PCNT: variants seen among roughly 807,000 people sequenced by gnomAD.
PCNT encodes kendrin.
Under a neutral mutation model 380.4 loss-of-function variants are expected in PCNT, and 319 were observed. The ratio of observed to expected loss-of-function variants is 0.84; its 90% CI spans 0.77 to 0.92. PCNT has a LOEUF of 0.92. Among genes scored for constraint, PCNT ranks in the 40% least tolerant of loss-of-function variants. The pLI is 0.00. For missense variants in PCNT, 4,400 were observed against 4,255.3 expected, an observed-to-expected ratio of 1.03 and a Z score of -0.95; for synonymous variants, 1,845 against 1,735.2, an observed-to-expected ratio of 1.06 and a Z score of -1.57.
intron 8 of PCNT, among the ~76,000 whole-genome samples, chr21:46,350,122 T>C (rs2084213009): frequency 6.6e-6 from 1 of 152,002 alleles, no homozygotes; most frequent in African/African-American, 2.4e-5. Flanking sequence ...GAGGTTGCAG[T>C]GAGCTGAGAT....
At position 46,416,767 on chromosome 21, in the gene PCNT, TGCA is replaced by T. The variant is rs759769803; in HGVS notation, c.6855_6857del (p.Ala2286del). 1 of 1,604,218 alleles carries T rather than the reference TGCA, an allele frequency of 6.2e-7. No homozygotes were observed. The highest frequency in any genetic ancestry group is 8.5e-7 in the Non-Finnish European group (1 of 1,177,932). ...GGCTGCTTTGTTCCCCAGGCGTGTC[TGCA>T]GCAGCGCTGGCACTGCAGTGGGCCG... On this transcript the variant is annotated inframe_deletion, in exon 30 of 47. Transcript: ENST00000359568.
chr21:46,403,626 G>A (rs1467798900), intron 27 of PCNT, among the ~76,000 whole-genome samples: 1 of 138,956 alleles, frequency 7.2e-6, no homozygotes, highest in Non-Finnish European at 1.5e-5. Context: ...TGTGTGTGTG[G>A]TGCCCACGTG....
At chr21:46,329,469 T>C (rs544693100) in intron 2 of PCNT, among the ~76,000 whole-genome samples, 1 of 152,264 alleles carries the variant, frequency 6.6e-6, no homozygotes, top group Non-Finnish European at 1.5e-5. Flanking sequence ...AGGTTACTTA[T>C]ATAACATTTT....
In PCNT at chr21:46,398,242, C is replaced by G. The variant is rs35513449; in HGVS notation, c.4571C>G (p.Pro1524Arg). The stretch of plus-strand genomic sequence containing the variant: ...TGTACATGAAATCGGCAGCAGGCGC[C>G]GCTGGATGGAGAGGTGAGGAGGCGT... Reference protein sequence around the residue: ...PWGPRDSQQAPLDGEVELLQQ... With the variant: ...PWGPRDSQQARLDGEVELLQQ... The change falls in exon 24 of 47, where the codon CCG (proline) becomes CGG (arginine). Residue 1524 changes from proline to arginine, a missense_variant. Pro to Arg is a moderately radical substitution (Grantham distance 103). Coordinates refer to ENST00000359568, the MANE Select transcript of PCNT (RefSeq NM_006031.6). 3.6e-3 allele frequency: 5,780 copies of G among 1,607,282 alleles called. 26 individuals are homozygous for G. The highest frequency in any genetic ancestry group is 4.3e-3 in the Non-Finnish European group (5,104 of 1,177,952).
rs181160337 is a variant in PCNT at position 46,328,917 on chromosome 21, G to T, written c.267+2328G>T. 1.6e-3 allele frequency among the ~76,000 whole-genome samples: 241 copies of T among 152,222 alleles called. 1 individual carries two copies. Among genetic ancestry groups the T allele is most frequent in the Non-Finnish European group, 2.6e-3 (178 of 68,026 alleles). On this transcript the variant is annotated intron_variant, in intron 2 of 46. Transcript: ENST00000359568. ...GCCTCCCGAGTAGCTGGGATTACAA[G>T]TGGGCACCACCATGGCCGGCTAATT...
intron 16 of PCNT, among the ~76,000 whole-genome samples, chr21:46,383,311 G>A (rs1229214689): frequency 6.9e-6 from 1 of 145,828 alleles, no homozygotes; most frequent in Non-Finnish European, 1.5e-5. Context: ...CATTCACGGT[G>A]TTGTGCGTTC....
chr21:46,362,311 G>A lies in PCNT; in HGVS notation c.2155-1169G>A, dbSNP rs575941481. ...GGGATTTGGGATTTCTGTGTGTGGGGCATGGACAGATACTACTCTTAGTGA... is the reference window on the plus strand; with the variant it reads ...GGGATTTGGGATTTCTGTGTGTGGGACATGGACAGATACTACTCTTAGTGA... On this transcript the variant is annotated intron_variant, in intron 13 of 46. Transcript: ENST00000359568. Among the ~76,000 whole-genome samples, 5 of 152,310 alleles carry A rather than the reference G, an allele frequency of 3.3e-5. No homozygotes were observed. The South Asian group carries it at 1.0e-3, about 32-fold the overall frequency.
chr21:46,439,734 C>T (rs2053558179), intron 41 of PCNT, among the ~76,000 whole-genome samples: 1 of 152,142 alleles, frequency 6.6e-6, no homozygotes, highest in Non-Finnish European at 1.5e-5. Flanking sequence ...CAGTGGTTGG[C>T]ATTTCTAGGA....
At chr21:46,382,283 G>A (rs1187696370) in intron 16 of PCNT, among the ~76,000 whole-genome samples, 1 of 146,012 alleles carries the variant, frequency 6.8e-6, no homozygotes, top group African/African-American at 2.5e-5. Flanking sequence ...TGGTGGAAGC[G>A]CATTCATGGT....
chr21:46,329,412 G>GT (rs537429021), intron 2 of PCNT, among the ~76,000 whole-genome samples: 98 of 152,276 alleles, frequency 6.4e-4, no homozygotes, highest in Non-Finnish European at 1.2e-3. Context: ...AGAGTTGTTG[G>GT]TTTTTTCGTT....
chr21:46,412,826 C>G lies in PCNT; in HGVS notation c.5995-11C>G. ...CTGCATGCTCAGCTTTCCTCTGTCT[C>G]CTCTGTCAAGGGTGATCTGCAGCCT... On this transcript the variant is annotated splice_polypyrimidine_tract_variant and intron_variant, in intron 28 of 46. Transcript: ENST00000359568. 6.2e-7 allele frequency: 1 copy of G among 1,610,204 alleles called. No homozygotes were observed. Among genetic ancestry groups the G allele is most frequent in the South Asian group, 1.1e-5 (1 of 91,072 alleles).
At position 46,436,058 on chromosome 21, in the gene PCNT, G is replaced by A. The variant is rs767172013; in HGVS notation, c.8906G>A (p.Arg2969Gln). Reference sequence around the variant, plus strand: ...GCCGGCTCGGATGCGGACCACCTCCGGGAACAGCAGCGAGAGCTGGAGGCG... The same window carrying A: ...GCCGGCTCGGATGCGGACCACCTCCAGGAACAGCAGCGAGAGCTGGAGGCG... ...RAAGSDADHL[R>Q]EQQRELEAMR... Residue 2969 changes from arginine (R) to glutamine (Q), a missense_variant, in exon 39 of 47, where the codon CGG (arginine) becomes CAG (glutamine). Physicochemically the swap from Arg to Gln is conservative, Grantham distance 43 (BLOSUM62 1). Transcript: ENST00000359568. 1.2e-5 allele frequency: 20 copies of A among 1,613,448 alleles called. No individual in the cohort carries two copies. Among genetic ancestry groups the A allele is most frequent in the East Asian group, 1.1e-4 (5 of 44,854 alleles).
At chr21:46,403,615 G>A (rs546446223) in intron 27 of PCNT, among the ~76,000 whole-genome samples, 23 of 124,448 alleles carry the variant, frequency 1.8e-4, no homozygotes, top group African/African-American at 6.1e-4. Context: ...TGGGAGAATC[G>A]TGTGTGTGTG....
At chr21:46,435,235 T>C (rs548322925) in intron 38 of PCNT, among the ~76,000 whole-genome samples, 1 of 151,502 alleles carries the variant, frequency 6.6e-6, no homozygotes, top group East Asian at 1.9e-4. Flanking sequence ...TTTGGTTTGG[T>C]TTTTTTTGGT....
At position 46,349,185 on chromosome 21, in the gene PCNT, A is replaced by G. The variant is rs1257153758; in HGVS notation, c.1206A>G (p.Glu402=). 6.2e-7 allele frequency: 1 copy of G among 1,612,820 alleles called. No individual in the cohort carries two copies. Among genetic ancestry groups the G allele is most frequent in the South Asian group, 1.1e-5 (1 of 91,038 alleles). ...EKIFQDKNQA[E]RALRNLESHH... ...TTTTTCAAGACAAAAACCAGGCTGA[A>G]CGTAAGTAATGAAAATGAGCAAGTT... The change falls in exon 7 of 47, where the codon GAA becomes GAG. Residue 402 remains glutamate (E), a splice_region_variant and synonymous_variant. Coordinates refer to ENST00000359568, the MANE Select transcript of PCNT (RefSeq NM_006031.6).
intron 17 of PCNT, among the ~76,000 whole-genome samples, chr21:46,387,983 G>A (rs2085898334): frequency 6.6e-6 from 1 of 152,100 alleles, no homozygotes. Context: ...GGCTGAGGCG[G>A]GTGGATCATG....
chr21:46,441,718 A>G (rs984315653), intron 43 of PCNT, among the ~76,000 whole-genome samples: 7 of 151,958 alleles, frequency 4.6e-5, no homozygotes, highest in African/African-American at 9.7e-5. Context: ...TGGGGAGAAC[A>G]CCCTGCAGGA....
chr21:46,432,260 A>G, intron 38 of PCNT, 45 bp downstream of exon 38: 7 of 1,545,656 alleles, frequency 4.5e-6, no homozygotes, highest in Non-Finnish European at 6.1e-6. Context: ...AAAAACGATA[A>G]GCAATTGGAG....
At chr21:46,444,203 C>T (rs935382733) in intron 45 of PCNT, among the ~76,000 whole-genome samples, 2 of 152,080 alleles carry the variant, frequency 1.3e-5, no homozygotes, top group Non-Finnish European at 2.9e-5. Context: ...GCCGAGGGCT[C>T]CTTTTGTGAG....
Sources: gnomAD v4.1 joint callset for allele counts (sites outside exome capture counted in the v4.1 genomes callset) on GRCh38, gnomAD v4.1.1 for gene constraint, MANE v1.5 for transcripts, NCBI Gene and HGNC (gene_info 2026-07-23, HGNC 2026-07-21) for gene names.